Variants in BEST1 observed in about 807,000 individuals in gnomAD.
The protein encoded by BEST1 is bestrophin 1.
Under a neutral mutation model 63.3 loss-of-function variants are expected in BEST1, and 58 were observed. That is an observed-to-expected ratio of 0.92 (90% confidence interval 0.74 to 1.14). BEST1 has a LOEUF of 1.14. Among genes scored for constraint, BEST1 ranks in the 50% most tolerant of loss-of-function variants. The pLI is 0.00. For synonymous variants in BEST1, 283 were observed against 291.6 expected (o/e 0.97, Z 0.30); for missense variants, 671 against 740.1 (o/e 0.91, Z 1.08).
At chr11:61,963,911 T>A in intron 10 of BEST1, 193 bp from the exon 11 acceptor site, 1 of 1,379,960 alleles carries the variant, frequency 7.2e-7, no homozygotes, top group African/African-American at 1.5e-5. Context: ...GAGGGGAGAA[T>A]TGCTTGAACC....
At position 61,959,891 on chromosome 11, in the gene BEST1, G is replaced by C; in HGVS notation, c.949-1G>C. On this transcript the variant is annotated splice_acceptor_variant, in intron 8 of 10. Coordinates refer to ENST00000378043, the MANE Select transcript of BEST1 (RefSeq NM_004183.4). LOFTEE classifies it high-confidence loss of function. ...GGACTTCTTCTGTCCCTGGTGACCAGGTGTCCCTGTTGGCTGTGGATGAGA... is the reference window on the plus strand; with the variant it reads ...GGACTTCTTCTGTCCCTGGTGACCACGTGTCCCTGTTGGCTGTGGATGAGA... 6.2e-7 allele frequency: 1 copy of C among 1,613,814 alleles called. No homozygotes were observed. Among genetic ancestry groups the C allele is most frequent in the Non-Finnish European group, 8.5e-7 (1 of 1,179,888 alleles).
At chr11:61,964,926 CT>C (rs760826866), downstream of BEST1, 9 of 1,613,652 alleles carry the variant, frequency 5.6e-6, no homozygotes, top group Non-Finnish European at 7.6e-6. Context: ...TAGTGGGCAG[CT>C]TTCCCAATCC....
intron 10 of BEST1, chr11:61,963,798 G>A: frequency 8.0e-7 from 1 of 1,247,372 alleles, no homozygotes; most frequent in Non-Finnish European, 1.0e-6. Flanking sequence ...GAGGTCAGGA[G>A]TTTGAGACCA....
chr11:61,963,124 T>C (rs751812453), intron 10 of BEST1: 359 of 1,459,168 alleles, frequency 2.5e-4, no homozygotes, highest in Non-Finnish European at 3.2e-5. Flanking sequence ...CCGGAAGACT[T>C]CTTGGGACCA....
chr11:61,959,189 A>G (rs188407556), intron 7 of BEST1: 45 of 445,154 alleles, frequency 1.0e-4, no homozygotes, highest in African/African-American at 7.2e-4. Flanking sequence ...TGAATGAATA[A>G]AATTATGCAA....
chr11:61,962,504 G>A lies in BEST1; in HGVS notation c.1350G>A (p.Val450=). ...ACAAGGCCTGGAAGCTTAAGGCTGT[G>A]GACGCCTTCAAGTCTGCCCCACTGT... ...EDNKAWKLKA[V]DAFKSAPLYQ... is the part of the protein sequence containing the mutation. The change falls in exon 10 of 11, where the codon GTG becomes GTA. Residue 450 remains valine, a synonymous_variant. Coordinates refer to ENST00000378043, the MANE Select transcript of BEST1 (RefSeq NM_004183.4). 1 of 1,614,206 alleles carries A rather than the reference G, an allele frequency of 6.2e-7. No homozygotes were observed.
chr11:61,959,521 C>T lies in BEST1; in HGVS notation c.891C>T (p.Pro297=). The T allele has an allele frequency of 6.2e-6, 10 of 1,614,200 alleles. No homozygotes were observed. Among genetic ancestry groups the T allele is most frequent in the Non-Finnish European group, 8.5e-6 (10 of 1,180,034 alleles). ...WLKVAEQLIN[P]FGEDDDDFET... ...AGGTGGCAGAGCAGCTCATCAACCC[C>T]TTTGGAGAGGATGATGATGATTTTG... Residue 297 remains proline (P), a synonymous_variant, in exon 8 of 11, where the codon CCC becomes CCT. Transcript: ENST00000378043.
At chr11:61,960,211 G>A (rs1388662252) in intron 9 of BEST1, 168 bp downstream of exon 9, 1 of 998,594 alleles carries the variant, frequency 1.0e-6, no homozygotes, top group Non-Finnish European at 1.5e-6. Context: ...AATAATTCTG[G>A]TTTGTTATCC....
intron 2 of BEST1, among the ~76,000 whole-genome samples, chr11:61,954,541 A>T (rs1941064442): frequency 6.6e-6 from 1 of 152,096 alleles, no homozygotes. Flanking sequence ...TGGCAATCAC[A>T]GCCCATTGCA....
chr11:61,950,700 C>A (rs532615519), intron 1 of BEST1, among the ~76,000 whole-genome samples: 28 of 152,082 alleles, frequency 1.8e-4, no homozygotes, highest in Admixed American at 1.8e-3. Flanking sequence ...GCGCCTTCTA[C>A]GAGAACACAA....
At chr11:61,954,045 T>C (rs933802634) in intron 2 of BEST1, among the ~76,000 whole-genome samples, 1 of 152,224 alleles carries the variant, frequency 6.6e-6, no homozygotes, top group Non-Finnish European at 1.5e-5. Context: ...ATCAAATACA[T>C]AAAATTCTTA....
intron 2 of BEST1, chr11:61,954,812 G>T (rs1453783000): frequency 1.0e-6 from 1 of 985,312 alleles, no homozygotes; most frequent in Non-Finnish European, 1.2e-6. Context: ...AAGGATCAGG[G>T]TGTCTGAAAC....
At chr11:61,962,940 A>C in intron 10 of BEST1, 47 bp downstream of exon 10, 1 of 1,613,902 alleles carries the variant, frequency 6.2e-7, no homozygotes, top group Non-Finnish European at 8.5e-7. Context: ...CCTGTGCCCC[A>C]CCCCAGCTTC....
intron 9 of BEST1, chr11:61,960,348 C>T: frequency 2.0e-6 from 1 of 489,456 alleles, no homozygotes; most frequent in Non-Finnish European, 3.7e-6. Context: ...AACGTTAGGA[C>T]CTGGCTCTTG....
chr11:61,959,950 T>G lies in BEST1; in HGVS notation c.1007T>G (p.Met336Arg), dbSNP rs727503825. The change falls in exon 9 of 11, where the codon ATG becomes AGG. Residue 336 changes from methionine to arginine, a missense_variant. Physicochemically the swap from Met to Arg is moderately conservative, Grantham distance 91. Transcript: ENST00000378043. ...HQDLPRMEPD[M>R]YWNKPEPQPP... ...GACCTGCCTCGGATGGAGCCGGACA[T>G]GTACTGGAATAAGCCCGAGCCACAG... 6.2e-7 allele frequency: 1 copy of G among 1,613,230 alleles called. No individual in the cohort carries two copies. Among genetic ancestry groups the G allele is most frequent in the Non-Finnish European group, 8.5e-7 (1 of 1,179,720 alleles).
At position 61,955,366 on chromosome 11, in the gene BEST1, T is replaced by A. The variant is rs195165; in HGVS notation, c.247+165T>A. 0.91 allele frequency: 1,349,907 copies of A among 1,476,802 alleles called. 617,783 individuals carry two copies. The highest frequency in any genetic ancestry group is 1 in the East Asian group (40,295 of 40,314). The allele number at this position is 1,476,802 out of a possible 1,614,324, so 91.5% of individuals were successfully genotyped here. A position where few individuals can be genotyped will look rare whatever the true frequency, so the allele number is the denominator to read the frequency against. On this transcript the variant is annotated intron_variant, in intron 3 of 10. Coordinates refer to ENST00000378043, the MANE Select transcript of BEST1 (RefSeq NM_004183.4). ...AGGGAAAGGTGCGGACTGCAGCCAG[T>A]GAAACTGAAGTTAGACGTTAGGTAA... is the stretch of plus-strand genomic sequence containing the variant.
At chr11:61,959,360 A>G (rs1387287215) in intron 7 of BEST1, 138 bp from the exon 8 acceptor site, 2 of 821,738 alleles carry the variant, frequency 2.4e-6, no homozygotes, top group Non-Finnish European at 4.1e-6. Context: ...CTGGAGCCCT[A>G]AACTCTGCCT....
intron 1 of BEST1, among the ~76,000 whole-genome samples, chr11:61,950,904 A>G (rs556636182): frequency 1.3e-5 from 2 of 152,134 alleles, no homozygotes; most frequent in African/African-American, 4.8e-5. Flanking sequence ...GTGGGAAGGA[A>G]CCATGCAGGT....
rs888828739 is a variant in BEST1 at position 61,955,963 on chromosome 11, G to C, written c.481+12G>C. ...CCTGGTGCAAGCAGGTGGGCGGACC[G>C]GGAGCAACGGGGAGGCACCGGGCAG... On this transcript the variant is annotated intron_variant, in intron 4 of 10. Coordinates refer to ENST00000378043, the MANE Select transcript of BEST1 (RefSeq NM_004183.4). 7.8e-6 allele frequency: 12 copies of C among 1,542,730 alleles called. No homozygotes were observed. Among genetic ancestry groups the C allele is most frequent in the East Asian group, 7.4e-5 (3 of 40,736 alleles).
Sources: gnomAD v4.1 joint callset for allele counts (sites outside exome capture counted in the v4.1 genomes callset) on GRCh38, gnomAD v4.1.1 for gene constraint, MANE v1.5 for transcripts, NCBI Gene and HGNC (gene_info 2026-07-23, HGNC 2026-07-21) for gene names.